Variants in NR3C2 observed in about 807,000 individuals in gnomAD.
NR3C2 encodes the protein mineralocorticoid receptor.
In NR3C2, 15 loss-of-function variants were observed where a neutral mutation model predicts 86.4. The observed-to-expected ratio is 0.17, with a 90% confidence interval of 0.12 to 0.27. NR3C2 has a LOEUF of 0.27. NR3C2 is among the 10% of genes least tolerant of loss of function. NR3C2 has a pLI of 1.00. For missense variants in NR3C2, 960 were observed against 1,195.6 expected (o/e 0.80, Z 2.91); for synonymous variants, 458 against 450.5 (o/e 1.02, Z -0.21).
chr4:148,344,247 C>T (rs997343341), intron 2 of NR3C2, among the ~76,000 whole-genome samples: 2 of 152,046 alleles, frequency 1.3e-5, no homozygotes, highest in African/African-American at 2.4e-5. Flanking sequence ...TCTGAAAATA[C>T]TCAAATGTAT....
intron 2 of NR3C2, among the ~76,000 whole-genome samples, chr4:148,299,812 C>T (rs2149920265): frequency 6.6e-6 from 1 of 152,284 alleles, no homozygotes; most frequent in East Asian, 1.9e-4. Context: ...CAGCCTTGCA[C>T]TTACAGCTGT....
At chr4:148,083,002 C>G (rs1730650306) in intron 8 of NR3C2, among the ~76,000 whole-genome samples, 1 of 152,132 alleles carries the variant, frequency 6.6e-6, no homozygotes, top group Admixed American at 6.5e-5. Context: ...TCCCCAAAAC[C>G]ACTGTAGCCA....
chr4:148,360,314 A>G (rs1745774857), intron 2 of NR3C2, among the ~76,000 whole-genome samples: 1 of 152,198 alleles, frequency 6.6e-6, no homozygotes, highest in African/African-American at 2.4e-5. Context: ...ACATGACACT[A>G]TGTGCTTTCT....
At chr4:148,350,632 A>G (rs1218432971) in intron 2 of NR3C2, among the ~76,000 whole-genome samples, 8 of 146,078 alleles carry the variant, frequency 5.5e-5, no homozygotes, top group African/African-American at 2.0e-4. Context: ...AACCTAAAAC[A>G]TAAATTTAAA....
At chr4:148,317,656 T>C (rs1243031607) in intron 2 of NR3C2, among the ~76,000 whole-genome samples, 1 of 152,142 alleles carries the variant, frequency 6.6e-6, no homozygotes, top group Non-Finnish European at 1.5e-5. Context: ...TGTTCAGTTT[T>C]AATTTTCCTT....
intron 2 of NR3C2, among the ~76,000 whole-genome samples, chr4:148,350,149 T>C (rs1745200849): frequency 6.6e-6 from 1 of 152,186 alleles, no homozygotes; most frequent in African/African-American, 2.4e-5. Context: ...CATATCTCCA[T>C]TTTATAGATG....
intron 2 of NR3C2, among the ~76,000 whole-genome samples, chr4:148,424,456 A>G (rs72732326): frequency 0.19 from 28,214 of 152,184 alleles, 2,923 homozygotes; most frequent in Non-Finnish European, 0.23. Context: ...AACAAAAAAA[A>G]CCATATGTCT....
intron 2 of NR3C2, among the ~76,000 whole-genome samples, chr4:148,375,243 G>A (rs1015291544): frequency 4.6e-5 from 7 of 152,214 alleles, no homozygotes; most frequent in African/African-American, 1.4e-4. Flanking sequence ...ATCACTTGAG[G>A]TCGGTAGTTC....
chr4:148,271,540 T>C (rs1344726465), intron 2 of NR3C2, among the ~76,000 whole-genome samples: 1 of 152,110 alleles, frequency 6.6e-6, no homozygotes, highest in East Asian at 1.9e-4. Context: ...CATAAAAATA[T>C]AATATTTATT....
chr4:148,165,976 T>C (rs6856803), intron 4 of NR3C2, among the ~76,000 whole-genome samples: 67,359 of 152,034 alleles, frequency 0.44, 15,264 homozygotes, highest in African/African-American at 0.53. Context: ...CAAAATTAAA[T>C]AGGCCCGAGG....
chr4:148,119,364 T>C (rs1329171306), intron 7 of NR3C2, among the ~76,000 whole-genome samples: 1 of 152,164 alleles, frequency 6.6e-6, no homozygotes, highest in Non-Finnish European at 1.5e-5. Flanking sequence ...CCTACGACCC[T>C]TGCAAAACCC....
chr4:148,342,224 G>A (rs773868802), intron 2 of NR3C2, among the ~76,000 whole-genome samples: 2 of 152,126 alleles, frequency 1.3e-5, no homozygotes, highest in African/African-American at 4.8e-5. Flanking sequence ...AGCGAAGTAC[G>A]TGGCTTTTCT....
intron 2 of NR3C2, among the ~76,000 whole-genome samples, chr4:148,401,143 C>T (rs1748139935): frequency 1.3e-5 from 2 of 152,200 alleles, no homozygotes; most frequent in Non-Finnish European, 2.9e-5. Context: ...GGTGGCAACA[C>T]ACTGGTGAGA....
At chr4:148,313,692 T>A (rs1482212061) in intron 2 of NR3C2, among the ~76,000 whole-genome samples, 1 of 152,206 alleles carries the variant, frequency 6.6e-6, no homozygotes, top group Non-Finnish European at 1.5e-5. Context: ...TCAAAGGTTT[T>A]TCAGATATCA....
chr4:148,310,466 A>C (rs758378598), intron 2 of NR3C2, among the ~76,000 whole-genome samples: 37 of 152,268 alleles, frequency 2.4e-4, no homozygotes, highest in Admixed American at 2.4e-3. Flanking sequence ...ACATGGACCT[A>C]CAGAACTATG....
chr4:148,358,367 A>G (rs971175194), intron 2 of NR3C2, among the ~76,000 whole-genome samples: 12 of 151,726 alleles, frequency 7.9e-5, no homozygotes, highest in African/African-American at 2.9e-4. Flanking sequence ...CAAATATCGC[A>G]AGAACAAAAA....
intron 4 of NR3C2, among the ~76,000 whole-genome samples, chr4:148,157,206 A>G (rs1049383343): frequency 6.7e-6 from 1 of 150,184 alleles, no homozygotes. Context: ...CCTAATGCTA[A>G]ATGACGAGTT....
chr4:148,306,795 C>T (rs1742648765), intron 2 of NR3C2, among the ~76,000 whole-genome samples: 1 of 152,096 alleles, frequency 6.6e-6, no homozygotes, highest in South Asian at 2.1e-4. Context: ...TATAAATATG[C>T]TGTAAAACAT....
rs567862210 is a variant in NR3C2, at chr4:148,409,615, T to A, written c.1757+25489A>T. 5.9e-5 allele frequency among the ~76,000 whole-genome samples: 9 copies of A among 152,242 alleles called. 1 individual carries two copies. In the South Asian group the frequency reaches 1.7e-3, roughly 28 times the overall value. On this transcript the variant is annotated intron_variant, in intron 2 of 8. Transcript: ENST00000358102. ...AAAGAATTAGCTACCTAAAAAATTA[T>A]CTCCAATTATTAAGAATTTCCAAGT...
Sources: gnomAD v4.1 joint callset for allele counts (sites outside exome capture counted in the v4.1 genomes callset) on GRCh38, gnomAD v4.1.1 for gene constraint, MANE v1.5 for transcripts, NCBI Gene and HGNC (gene_info 2026-07-23, HGNC 2026-07-21) for gene names.